Variants in FOXP1 observed in about 807,000 individuals in gnomAD.
The protein encoded by FOXP1 is forkhead box protein P1.
FOXP1 carries 15 observed loss-of-function variants against 98.2 expected under a neutral mutation model. The observed-to-expected ratio is 0.15, with a 90% CI of 0.10 to 0.24. The LOEUF (loss-of-function observed/expected upper bound fraction) is 0.24, where lower values mean the gene tolerates loss of function less well. FOXP1 is among the 10% of genes least tolerant of loss of function. FOXP1 has a pLI of 1.00. For missense variants in FOXP1, 633 were observed against 848.5 expected (o/e 0.75, Z 3.15); for synonymous variants, 371 against 314.5 (o/e 1.18, Z -1.90).
At position 71,172,637 on chromosome 3, in the gene FOXP1, C is replaced by G. The variant is rs142480392; in HGVS notation, c.180+25565G>C. Among the ~76,000 whole-genome samples the G allele has an allele frequency of 5.2e-3, 788 of 152,234 alleles. 5 individuals are homozygous for G. The highest frequency in any genetic ancestry group is 0.015 in the African/African-American group (603 of 41,544). On this transcript the variant is annotated intron_variant, in intron 6 of 20. Transcript: ENST00000649528. The stretch of plus-strand genomic sequence containing the variant: ...ACAGAAGGCAGGAGGGCAGGGACTC[C>G]GAATCCTAGGTTTTCTCACCAAGAG...
intron 2 of FOXP1, among the ~76,000 whole-genome samples, chr3:71,499,273 G>A (rs950547542): frequency 3.9e-5 from 6 of 152,084 alleles, no homozygotes; most frequent in African/African-American, 1.4e-4. Context: ...GCCTCCCCTA[G>A]TCCACTTAAG....
At chr3:71,456,827 A>C (rs1219006388) in intron 3 of FOXP1, among the ~76,000 whole-genome samples, 1 of 150,504 alleles carries the variant, frequency 6.6e-6, no homozygotes, top group Non-Finnish European at 1.5e-5. Context: ...TTTTTCTGTG[A>C]TATATCTATG....
intron 6 of FOXP1, among the ~76,000 whole-genome samples, chr3:71,174,972 G>A (rs1350671171): frequency 6.6e-6 from 1 of 150,824 alleles, no homozygotes; most frequent in Non-Finnish European, 1.5e-5. Flanking sequence ...GGAGAGCAGC[G>A]CCATGATCTC....
At chr3:71,580,967 G>A in intron 2 of FOXP1, 1 of 985,402 alleles carries the variant, frequency 1.0e-6, no homozygotes, top group Non-Finnish European at 1.2e-6. Flanking sequence ...CGCAATTCCA[G>A]CCCCTCAGAA....
intron 3 of FOXP1, among the ~76,000 whole-genome samples, chr3:71,380,229 G>C (rs1049064432): frequency 6.6e-6 from 1 of 152,174 alleles, no homozygotes; most frequent in African/African-American, 2.4e-5. Flanking sequence ...TGGACCCCTA[G>C]TGGACAGAGG....
At chr3:71,008,951 T>C (rs1355489682) in intron 12 of FOXP1, among the ~76,000 whole-genome samples, 2 of 151,942 alleles carry the variant, frequency 1.3e-5, no homozygotes, top group African/African-American at 4.8e-5. Flanking sequence ...TGGCACAGTA[T>C]TGACAGATGG....
chr3:70,964,096 T>C (rs947931989), intron 20 of FOXP1, among the ~76,000 whole-genome samples: 2 of 152,198 alleles, frequency 1.3e-5, no homozygotes, highest in East Asian at 1.9e-4. Context: ...TAACAGTCTA[T>C]TACACAGATA....
chr3:71,407,185 G>A (rs1393912498), intron 3 of FOXP1, among the ~76,000 whole-genome samples: 2 of 152,072 alleles, frequency 1.3e-5, no homozygotes, highest in East Asian at 3.9e-4. Context: ...TTTTACAAGA[G>A]CTTGAAAGTA....
intron 4 of FOXP1, among the ~76,000 whole-genome samples, chr3:71,320,573 T>G (rs971392198): frequency 3.7e-4 from 57 of 152,282 alleles, no homozygotes; most frequent in African/African-American, 1.3e-3. Context: ...TGTTATCTAT[T>G]CCCTTTGTAC....
chr3:71,236,644 A>C (rs1457440378), intron 5 of FOXP1, among the ~76,000 whole-genome samples: 1 of 152,206 alleles, frequency 6.6e-6, no homozygotes, highest in East Asian at 1.9e-4. Flanking sequence ...ACAAGGCAGG[A>C]GGACGGCTTG....
At chr3:71,020,069 T>C in intron 11 of FOXP1, among the ~76,000 whole-genome samples, 1 of 152,180 alleles carries the variant, frequency 6.6e-6, no homozygotes, top group Non-Finnish European at 1.5e-5. Context: ...TATTATTTAA[T>C]TTTATTCTGA....
chr3:71,525,018 G>A (rs924220070), intron 2 of FOXP1, among the ~76,000 whole-genome samples: 3 of 152,160 alleles, frequency 2.0e-5, no homozygotes. Flanking sequence ...AAGAATTAAA[G>A]CCCCCATGAT....
At chr3:71,088,225 A>G (rs1479559912) in intron 7 of FOXP1, among the ~76,000 whole-genome samples, 2 of 152,110 alleles carry the variant, frequency 1.3e-5, no homozygotes, top group African/African-American at 4.8e-5. Flanking sequence ...TAGACGCAAG[A>G]CTCAGTCCCT....
chr3:70,993,999 GA>G (rs2040993314), intron 13 of FOXP1, among the ~76,000 whole-genome samples: 1 of 135,960 alleles, frequency 7.4e-6, no homozygotes, highest in African/African-American at 2.8e-5. Context: ...CGTCTCAAAA[GA>G]AGAAAAAGAA....
chr3:71,015,694 G>A (rs1335565740), intron 11 of FOXP1, 41 bp from the exon 12 acceptor site: 1 of 1,388,400 alleles, frequency 7.2e-7, no homozygotes, highest in East Asian at 2.3e-5. Context: ...TGAATTTGCT[G>A]CCAAGAACCA....
chr3:70,959,774 C>T (rs895949005), intron 20 of FOXP1, among the ~76,000 whole-genome samples: 2 of 152,148 alleles, frequency 1.3e-5, no homozygotes, highest in Admixed American at 1.3e-4. Flanking sequence ...TTAACACACG[C>T]TGCAGTCACC....
intron 3 of FOXP1, among the ~76,000 whole-genome samples, chr3:71,385,582 C>A (rs905405343): frequency 6.6e-6 from 1 of 151,982 alleles, no homozygotes; most frequent in Non-Finnish European, 1.5e-5. Context: ...AAGAGAACAG[C>A]GCATGCTCAT....
intron 14 of FOXP1, among the ~76,000 whole-genome samples, chr3:70,980,107 GCTTT>G (rs1242417653): frequency 2.6e-5 from 4 of 152,126 alleles, no homozygotes; most frequent in Non-Finnish European, 5.9e-5. Context: ...TGGAAACCTG[GCTTT>G]CTGACACACA....
chr3:71,131,421 AAGG>A (rs1312968796), intron 6 of FOXP1, among the ~76,000 whole-genome samples: 3 of 151,670 alleles, frequency 2.0e-5, no homozygotes, highest in African/African-American at 7.3e-5. Context: ...AAAAAAAAAA[AAGG>A]AGGAAGAAAA....
Sources: allele counts gnomAD v4.1 joint callset (sites outside exome capture counted in the v4.1 genomes callset), GRCh38; gene constraint gnomAD v4.1.1; transcripts MANE v1.5; gene names NCBI Gene and HGNC (gene_info 2026-07-23, HGNC 2026-07-21).